Variants in ZNF385D observed in about 807,000 individuals in gnomAD.
The protein encoded by ZNF385D is zinc finger protein 385D, also known as zinc finger protein 659.
Under a neutral mutation model 35.8 loss-of-function variants are expected in ZNF385D, and 15 were observed. The ratio of observed to expected loss-of-function variants is 0.42; its 90% CI spans 0.28 to 0.64. The LOEUF is 0.64. Ranked by LOEUF, ZNF385D falls within the 30% of genes least tolerant of loss-of-function variation. The pLI is 0.23. For missense variants in ZNF385D, 474 were observed against 494.6 expected (o/e 0.96, Z 0.39); for synonymous variants, 212 against 186.8 (o/e 1.13, Z -1.10).
chr3:21,783,316 T>C (rs1029182224), intron 3 of ZNF385D, among the ~76,000 whole-genome samples: 40 of 152,038 alleles, frequency 2.6e-4, no homozygotes, highest in African/African-American at 9.4e-4. Flanking sequence ...ATATTCAAAA[T>C]TGGGCTCTCC....
intron 3 of ZNF385D, among the ~76,000 whole-genome samples, chr3:22,142,685 G>C (rs971203263): frequency 6.6e-6 from 1 of 152,038 alleles, no homozygotes; most frequent in East Asian, 1.9e-4. Flanking sequence ...AACAGCCTCA[G>C]CAGGTGATGA....
At chr3:21,989,800 T>C (rs1695048027) in intron 3 of ZNF385D, among the ~76,000 whole-genome samples, 1 of 152,338 alleles carries the variant, frequency 6.6e-6, no homozygotes, top group Middle Eastern at 3.4e-3. Context: ...ATTATATTCT[T>C]GATAACTTAC....
intron 2 of ZNF385D, among the ~76,000 whole-genome samples, chr3:22,302,802 T>C (rs1702978341): frequency 6.6e-6 from 1 of 152,144 alleles, no homozygotes; most frequent in African/African-American, 2.4e-5. Context: ...ATGTCTTTCA[T>C]TAAATTTATT....
intron 3 of ZNF385D, among the ~76,000 whole-genome samples, chr3:21,887,265 A>T (rs949032829): frequency 6.6e-6 from 1 of 152,204 alleles, no homozygotes; most frequent in Non-Finnish European, 1.5e-5. Context: ...GTTTGTTTCT[A>T]AGTATGCCCC....
At chr3:22,127,958 T>A (rs1703538364) in intron 3 of ZNF385D, among the ~76,000 whole-genome samples, 1 of 152,200 alleles carries the variant, frequency 6.6e-6, no homozygotes, top group African/African-American at 2.4e-5. Context: ...TCTGTCTGTG[T>A]ACTTAATATT....
At chr3:21,907,200 T>C (rs1452135404) in intron 3 of ZNF385D, among the ~76,000 whole-genome samples, 1 of 152,172 alleles carries the variant, frequency 6.6e-6, no homozygotes, top group African/African-American at 2.4e-5. Flanking sequence ...AGATGTATAA[T>C]AAAGTTCACT....
At chr3:21,895,427 A>G (rs1699084032) in intron 3 of ZNF385D, among the ~76,000 whole-genome samples, 1 of 146,202 alleles carries the variant, frequency 6.8e-6, no homozygotes, top group African/African-American at 2.5e-5. Context: ...TCTGGGTTCA[A>G]GTGATTCTCC....
intron 3 of ZNF385D, among the ~76,000 whole-genome samples, chr3:21,823,522 C>T (rs757302441): frequency 1.2e-4 from 19 of 152,284 alleles, no homozygotes; most frequent in Admixed American, 1.2e-3. Context: ...TTTTAATTCA[C>T]TTCTCTTTTC....
At chr3:21,624,935 T>A (rs889054122) in intron 2 of ZNF385D, among the ~76,000 whole-genome samples, 2 of 152,030 alleles carry the variant, frequency 1.3e-5, no homozygotes, top group East Asian at 1.9e-4. Flanking sequence ...CCCAGTCACA[T>A]AGGCTTTAAA....
chr3:22,042,767 C>T (rs1698743814), intron 3 of ZNF385D, among the ~76,000 whole-genome samples: 1 of 152,150 alleles, frequency 6.6e-6, no homozygotes, highest in African/African-American at 2.4e-5. Context: ...CTAATTTAAA[C>T]AAGAACATCC....
intron 1 of ZNF385D, among the ~76,000 whole-genome samples, chr3:21,722,604 C>A (rs1360410086): frequency 6.6e-6 from 1 of 152,180 alleles, no homozygotes; most frequent in Non-Finnish European, 1.5e-5. Flanking sequence ...TGTTGCTTTT[C>A]CTCAAAAAGC....
chr3:21,633,511 T>G (rs1335261828), intron 2 of ZNF385D, among the ~76,000 whole-genome samples: 2 of 152,200 alleles, frequency 1.3e-5, no homozygotes, highest in East Asian at 3.9e-4. Context: ...TGTATTCAAC[T>G]ATTGCACCTG....
At chr3:21,543,868 T>C (rs2062275651) in intron 3 of ZNF385D, among the ~76,000 whole-genome samples, 1 of 152,232 alleles carries the variant, frequency 6.6e-6, no homozygotes, top group Non-Finnish European at 1.5e-5. Context: ...CCTGAGGGCA[T>C]GGCTTGTAAC....
intron 3 of ZNF385D, among the ~76,000 whole-genome samples, chr3:22,135,672 TA>T (rs1704057825): frequency 6.6e-6 from 1 of 152,168 alleles, no homozygotes; most frequent in Non-Finnish European, 1.5e-5. Flanking sequence ...CTACAACAGC[TA>T]AAATTATTTT....
At chr3:21,617,112 C>T (rs1033719554) in intron 2 of ZNF385D, among the ~76,000 whole-genome samples, 2 of 152,164 alleles carry the variant, frequency 1.3e-5, no homozygotes, top group Non-Finnish European at 2.9e-5. Context: ...ATAACAATTT[C>T]TACATTTACA....
At chr3:21,958,586 G>A (rs966144753) in intron 3 of ZNF385D, among the ~76,000 whole-genome samples, 7 of 152,014 alleles carry the variant, frequency 4.6e-5, no homozygotes, top group Non-Finnish European at 8.8e-5. Flanking sequence ...TAAAACCATT[G>A]TTCCAAGTCA....
chr3:22,263,696 T>C (rs1298960829), intron 2 of ZNF385D, among the ~76,000 whole-genome samples: 1 of 151,970 alleles, frequency 6.6e-6, no homozygotes, highest in African/African-American at 2.4e-5. Flanking sequence ...GAATAAGAAT[T>C]GCCTTGGTTA....
intron 2 of ZNF385D, among the ~76,000 whole-genome samples, chr3:22,290,458 G>A (rs933750049): frequency 4.6e-5 from 7 of 152,158 alleles, no homozygotes; most frequent in Admixed American, 3.9e-4. Flanking sequence ...GGTTGGAGAA[G>A]AAGCTGGGAA....
intron 4 of ZNF385D, among the ~76,000 whole-genome samples, chr3:21,477,735 A>G (rs1704345884): frequency 6.6e-6 from 1 of 152,150 alleles, no homozygotes. Flanking sequence ...GGCTTCTTCT[A>G]GCAGTGTTGC....
Sources: allele counts gnomAD v4.1 joint callset (sites outside exome capture counted in the v4.1 genomes callset), GRCh38; gene constraint gnomAD v4.1.1; transcripts MANE v1.5; gene names NCBI Gene and HGNC (gene_info 2026-07-23, HGNC 2026-07-21).